FBXL17: variants seen among roughly 807,000 people sequenced by gnomAD.
FBXL17 encodes the protein F-box and leucine rich repeat protein 17.
In FBXL17, 22 loss-of-function variants were observed where a neutral mutation model predicts 66.2. The observed-to-expected ratio is 0.33, with a 90% CI of 0.24 to 0.47. The LOEUF (loss-of-function observed/expected upper bound fraction) is 0.47. FBXL17 is among the 20% of genes least tolerant of loss of function. The pLI is 1.00. For synonymous variants in FBXL17, 474 were observed against 400.5 expected (o/e 1.18, Z -2.19); for missense variants, 878 against 948.2 (o/e 0.93, Z 0.97).
intron 4 of FBXL17, among the ~76,000 whole-genome samples, chr5:108,321,275 T>C (rs1372351333): frequency 2.0e-5 from 3 of 151,846 alleles, no homozygotes; most frequent in African/African-American, 7.2e-5. Flanking sequence ...TGGAAGAAAC[T>C]GAGTATCAAA....
At chr5:108,235,720 C>T (rs1755570399) in intron 4 of FBXL17, among the ~76,000 whole-genome samples, 3 of 152,212 alleles carry the variant, frequency 2.0e-5, no homozygotes, top group Admixed American at 2.0e-4. Flanking sequence ...CCACTATCCC[C>T]TCTCCTTGAT....
chr5:108,202,507 G>A (rs1377508894), intron 5 of FBXL17, among the ~76,000 whole-genome samples: 3 of 152,114 alleles, frequency 2.0e-5, no homozygotes, highest in Non-Finnish European at 4.4e-5. Context: ...AGGTAGAAGA[G>A]TATATCCCAG....
chr5:108,071,179 A>G (rs968674447), intron 6 of FBXL17, among the ~76,000 whole-genome samples: 11 of 152,318 alleles, frequency 7.2e-5, no homozygotes, highest in African/African-American at 2.6e-4. Flanking sequence ...GTCACACTGC[A>G]ATTCTCAAAG....
chr5:108,329,845 C>T (rs1313123054), intron 4 of FBXL17, among the ~76,000 whole-genome samples: 1 of 151,952 alleles, frequency 6.6e-6, no homozygotes, highest in Non-Finnish European at 1.5e-5. Context: ...GTTAACAGTC[C>T]AGGCTCGGGA....
intron 7 of FBXL17, among the ~76,000 whole-genome samples, chr5:107,944,732 GA>G (rs1202370876): frequency 6.6e-6 from 1 of 151,954 alleles, no homozygotes; most frequent in Non-Finnish European, 1.5e-5. Flanking sequence ...AAATCACACT[GA>G]AAAAAGAATG....
chr5:108,299,024 T>G, intron 4 of FBXL17: 2 of 979,124 alleles, frequency 2.0e-6, no homozygotes, highest in Non-Finnish European at 2.4e-6. Flanking sequence ...GCTGCCAATA[T>G]GGATACCTCA....
At chr5:108,207,477 C>T (rs1754170971) in intron 5 of FBXL17, among the ~76,000 whole-genome samples, 1 of 152,122 alleles carries the variant, frequency 6.6e-6, no homozygotes, top group Non-Finnish European at 1.5e-5. Context: ...TATCCCTTCC[C>T]TAGCACCCCA....
intron 3 of FBXL17, among the ~76,000 whole-genome samples, chr5:108,364,511 C>T (rs1363376492): frequency 1.3e-5 from 2 of 151,908 alleles, no homozygotes; most frequent in Non-Finnish European, 2.9e-5. Context: ...TATAAAATGG[C>T]TGGTCACAGA....
rs557852043 is a variant in FBXL17 at position 108,020,127 on chromosome 5, C to T, written c.1822+798G>A. 2.0e-5 allele frequency among the ~76,000 whole-genome samples: 3 copies of T among 151,768 alleles called. No homozygotes were observed. The South Asian group carries it at 6.2e-4, about 31-fold the overall frequency. ...AAAAACTTAATGGATTATTAACTTC[C>T]CTCAAGGTAGAAAGAATATTCTCAA... On this transcript the variant is annotated intron_variant, in intron 7 of 8. Transcript: ENST00000542267.
At chr5:107,948,215 T>C (rs921372613) in intron 7 of FBXL17, among the ~76,000 whole-genome samples, 3 of 152,230 alleles carry the variant, frequency 2.0e-5, no homozygotes, top group Non-Finnish European at 4.4e-5. Flanking sequence ...GTTTTAACTT[T>C]AACATATATA....
chr5:108,377,760 G>A (rs1016810639), intron 1 of FBXL17, among the ~76,000 whole-genome samples: 2 of 152,266 alleles, frequency 1.3e-5, no homozygotes, highest in East Asian at 3.9e-4. Flanking sequence ...ATATTTTTAT[G>A]CTTGTCCTCC....
At chr5:107,949,696 A>G (rs1368894845) in intron 7 of FBXL17, among the ~76,000 whole-genome samples, 1 of 152,226 alleles carries the variant, frequency 6.6e-6, no homozygotes, top group Non-Finnish European at 1.5e-5. Context: ...AGACTAGATA[A>G]GAGCAGCTAA....
intron 4 of FBXL17, among the ~76,000 whole-genome samples, chr5:108,254,302 C>T (rs1015568718): frequency 6.6e-6 from 1 of 152,172 alleles, no homozygotes; most frequent in Admixed American, 6.5e-5. Context: ...CCTATTTAAG[C>T]TTGAACTGTA....
At chr5:108,136,166 A>C (rs1312634721) in intron 6 of FBXL17, among the ~76,000 whole-genome samples, 1 of 152,110 alleles carries the variant, frequency 6.6e-6, no homozygotes, top group South Asian at 2.1e-4. Context: ...GATAGGTCAA[A>C]TCTTTTAGAT....
intron 8 of FBXL17, among the ~76,000 whole-genome samples, chr5:107,865,212 G>C (rs1448361757): frequency 2.6e-5 from 4 of 152,268 alleles, no homozygotes; most frequent in Non-Finnish European, 4.4e-5. Context: ...ACAGAGTTTT[G>C]TACCTAGGGT....
intron 7 of FBXL17, among the ~76,000 whole-genome samples, chr5:107,946,435 T>C (rs1751298892): frequency 6.9e-6 from 1 of 144,998 alleles, no homozygotes; most frequent in Admixed American, 6.9e-5. Context: ...GGACTACAGG[T>C]GTGTGCCACC....
At chr5:108,367,481 G>A (rs1260336174) in intron 2 of FBXL17, among the ~76,000 whole-genome samples, 1 of 152,084 alleles carries the variant, frequency 6.6e-6, no homozygotes, top group Non-Finnish European at 1.5e-5. Flanking sequence ...CACAACAACA[G>A]AGGCATTGCT....
chr5:108,269,999 G>GGAAAC (rs1757201764), intron 4 of FBXL17, among the ~76,000 whole-genome samples: 1 of 151,812 alleles, frequency 6.6e-6, no homozygotes, highest in African/African-American at 2.4e-5. Context: ...AGCAGAACCA[G>GGAAAC]AAAACAAAAC....
intron 4 of FBXL17, among the ~76,000 whole-genome samples, chr5:108,341,184 C>G (rs572834136): frequency 6.6e-6 from 1 of 151,880 alleles, no homozygotes; most frequent in African/African-American, 2.4e-5. Flanking sequence ...TGAATTATAC[C>G]CATTATGGCT....
Sources: allele counts gnomAD v4.1 joint callset (sites outside exome capture counted in the v4.1 genomes callset), GRCh38; gene constraint gnomAD v4.1.1; transcripts MANE v1.5; gene names NCBI Gene and HGNC (gene_info 2026-07-23, HGNC 2026-07-21).